PCNX2: variants seen among roughly 807,000 people sequenced by gnomAD.
PCNX2 encodes pecanex-like protein 2.
PCNX2 carries 168 observed loss-of-function variants against 223.8 expected under a neutral mutation model. The ratio of observed to expected loss-of-function variants is 0.75; its 90% CI spans 0.66 to 0.85. PCNX2 has a LOEUF of 0.85. Among genes scored for constraint, PCNX2 ranks in the 40% least tolerant of loss-of-function variants. The probability of loss-of-function intolerance (pLI) is 0.00; values close to 1 mark genes in which losing one functional copy is unlikely to be tolerated. For missense variants in PCNX2, 2,507 were observed against 2,675.5 expected (o/e 0.94, Z 1.39); for synonymous variants, 1,006 against 1,052.6 (o/e 0.96, Z 0.86).
At chr1:233,298,394 G>C (rs1459207334), upstream of PCNX2, among the ~76,000 whole-genome samples, 1 of 152,324 alleles carries the variant, frequency 6.6e-6, no homozygotes, top group East Asian at 1.9e-4. Context: ...CAGCCATTTT[G>C]AGGATTAAAG....
At chr1:233,019,360 G>GT (rs1670794872) in intron 26 of PCNX2, 7 of 270,470 alleles carry the variant, frequency 2.6e-5, no homozygotes, top group Non-Finnish European at 4.0e-5. Context: ...CCCATCCTCT[G>GT]TAACACCCCA....
chr1:232,997,079 C>A (rs946728318), intron 32 of PCNX2, among the ~76,000 whole-genome samples: 2 of 152,046 alleles, frequency 1.3e-5, no homozygotes, highest in African/African-American at 4.8e-5. Context: ...TGCAAAATAC[C>A]CCTTTTCCTT....
rs372817381 is a variant in PCNX2 at position 233,051,126 on chromosome 1, T to C, written c.4351+3142A>G. Among the ~76,000 whole-genome samples, 378 of 152,206 alleles carry C rather than the reference T, an allele frequency of 2.5e-3. 2 individuals carry two copies. The highest frequency in any genetic ancestry group is 8.8e-3 in the African/African-American group (367 of 41,534). On this transcript the variant is annotated intron_variant, in intron 25 of 33. Transcript: ENST00000258229. ...AATGAAAATCAAAACCACAATGAGA[T>C]ACCACCTCACATGAATCAGAATAGC...
Position 233,288,117 on chromosome 1 carries a change from G to A in PCNX2, c.153+7209C>T, listed in dbSNP as rs897849750. Among the ~76,000 whole-genome samples, 8 of 152,132 alleles carry A rather than the reference G, an allele frequency of 5.3e-5. No individual in the cohort carries two copies. The East Asian group carries it at 5.8e-4, about 11-fold the overall frequency. ...CATAGGAAGGAGATTTAGAGAAGAC[G>A]ATATAGCAATAAGATATTTAATGTT... On this transcript the variant is annotated intron_variant, in intron 1 of 33. Coordinates refer to ENST00000258229, the MANE Select transcript of PCNX2 (RefSeq NM_014801.4).
At position 232,986,594 on chromosome 1, in the gene PCNX2, A is replaced by G. The variant is rs1669496998; in HGVS notation, c.5792-54T>C. 2.1e-6 allele frequency: 3 copies of G among 1,429,052 alleles called. No individual in the cohort carries two copies. In the South Asian group the frequency reaches 4.4e-5, roughly 21 times the overall value. 88.5% of individuals were successfully genotyped at this position (1,429,052 alleles called of 1,614,324 possible). On this transcript the variant is annotated intron_variant, in intron 32 of 33. Coordinates refer to ENST00000258229, the MANE Select transcript of PCNX2 (RefSeq NM_014801.4). ...TAGCGGGTGGGTCATGAACATCGAT[A>G]CCTGTGTGGTGCAGCAGGTGGCCTG...
chr1:233,120,621 G>C (rs1675727168), intron 21 of PCNX2, among the ~76,000 whole-genome samples: 1 of 152,094 alleles, frequency 6.6e-6, no homozygotes, highest in South Asian at 2.1e-4. Context: ...ACAACAACCT[G>C]GATGAATAAT....
chr1:233,292,148 T>C, intron 1 of PCNX2: 1 of 615,076 alleles, frequency 1.6e-6, no homozygotes, highest in Non-Finnish European at 2.0e-6. Context: ...ACTCAAAGTA[T>C]CTGTTATATT....
At position 233,250,752 on chromosome 1, in the gene PCNX2, G is replaced by A; in HGVS notation, c.2209C>T (p.Leu737Phe). 1 of 1,606,114 alleles carries A rather than the reference G, an allele frequency of 6.2e-7. No homozygotes were observed. The highest frequency in any genetic ancestry group is 8.5e-7 in the Non-Finnish European group (1 of 1,176,286). Residue 737 changes from leucine to phenylalanine, a missense_variant, in exon 8 of 34, where the codon CTC (leucine) becomes TTC (phenylalanine). Physicochemically the swap from Leu to Phe is conservative, Grantham distance 22. Around this residue, in one of 3 missense-constraint regions of PCNX2, gnomAD observed 1,031 missense variants for 1,021.7 expected, o/e 1.01. Coordinates refer to ENST00000258229, the MANE Select transcript of PCNX2 (RefSeq NM_014801.4). ...AGCTCCACTCACCGAGCCTGAGAGA[G>A]ACAGTCATTATTTGATGGTAGAGGC... ...LQPLPSNNDC[L>F]SQAREMQVSS...
intron 17 of PCNX2, among the ~76,000 whole-genome samples, chr1:233,162,920 G>A (rs1372708568): frequency 6.6e-6 from 1 of 152,212 alleles, no homozygotes; most frequent in Non-Finnish European, 1.5e-5. Flanking sequence ...GACTGCTGGA[G>A]TGGGGAGGAA....
At chr1:233,165,304 T>TGGTAAAA (rs1678725013) in intron 17 of PCNX2, among the ~76,000 whole-genome samples, 1 of 152,196 alleles carries the variant, frequency 6.6e-6, no homozygotes, top group Non-Finnish European at 1.5e-5. Context: ...CTAGTGAATA[T>TGGTAAAA]ATGCCTCCTA....
chr1:233,146,389 A>G (rs1677448509), intron 19 of PCNX2, among the ~76,000 whole-genome samples: 1 of 152,130 alleles, frequency 6.6e-6, no homozygotes, highest in African/African-American at 2.4e-5. Context: ...AGTCTTTTTG[A>G]AGTACTTTTC....
Position 233,232,962 on chromosome 1 carries a change from T to C in PCNX2, c.2358+3883A>G. On this transcript the variant is annotated intron_variant, in intron 9 of 33. Transcript: ENST00000258229. ...CATACAATACTATCTCATTTTTTAA[T>C]GTAAGACAAGCTGAATGAGTTGGAG... is the stretch of plus-strand genomic sequence containing the variant. The C allele has an allele frequency of 4.1e-6, 4 of 985,406 alleles. No individual in the cohort carries two copies. The South Asian group carries it at 1.4e-4, about 35-fold the overall frequency. 61.0% of individuals were successfully genotyped at this position (985,406 alleles called of 1,614,324 possible). A position where few individuals can be genotyped will look rare whatever the true frequency, so the allele number is the denominator to read the frequency against.
rs1481141579 is a variant in PCNX2, at chr1:233,160,263, A to G, written c.3517+20T>C. 1.0e-5 allele frequency: 16 copies of G among 1,576,302 alleles called. No individual in the cohort carries two copies. Among genetic ancestry groups the G allele is most frequent in the Non-Finnish European group, 1.4e-5 (16 of 1,164,282 alleles). On this transcript the variant is annotated intron_variant, in intron 19 of 33. Transcript: ENST00000258229. ...TACCCCTCCTTTTTTTTTTTTTTAA[A>G]TGAGGGATATATTACTAACCTCTCA...
rs1012247145 is a variant in PCNX2 at position 233,241,414 on chromosome 1, C to A, written c.2223-4434G>T. The stretch of plus-strand genomic sequence containing the variant: ...AACCTTTCGTCCTTATGCCTCTATG[C>A]CTGGGTGAAAGTACAATCTCTTTCT... On this transcript the variant is annotated intron_variant, in intron 8 of 33. Transcript: ENST00000258229. The A allele has an allele frequency of 2.7e-5, 26 of 969,040 alleles. No homozygotes were observed. The African/African-American group carries it at 4.4e-4, about 16-fold the overall frequency. The allele number at this position is 969,040 out of a possible 1,614,324, so 60.0% of individuals were successfully genotyped here. A position where few individuals can be genotyped will look rare whatever the true frequency, so the allele number is the denominator to read the frequency against.
chr1:233,126,557 G>A lies in PCNX2; in HGVS notation c.3837+8456C>T, dbSNP rs1309649647. Among the ~76,000 whole-genome samples, 1 of 151,814 alleles carries A rather than the reference G, an allele frequency of 6.6e-6. No homozygotes were observed. The highest frequency in any genetic ancestry group is 2.4e-5 in the African/African-American group (1 of 41,298). On this transcript the variant is annotated intron_variant, in intron 21 of 33. Coordinates refer to ENST00000258229, the MANE Select transcript of PCNX2 (RefSeq NM_014801.4). The surrounding 1 kb of genome is among the most constrained non-coding windows in gnomAD (Gnocchi z 4.8). Reference sequence around the variant, plus strand: ...TGTGTGTAAATATACCAGAGGACTGGGAGGATTTATTCCAAAATACTTACA... The same window carrying A: ...TGTGTGTAAATATACCAGAGGACTGAGAGGATTTATTCCAAAATACTTACA...
chr1:233,207,780 C>T (rs577786706), intron 13 of PCNX2, among the ~76,000 whole-genome samples: 1 of 152,110 alleles, frequency 6.6e-6, no homozygotes, highest in South Asian at 2.1e-4. Context: ...TTAAACAGAG[C>T]GTTTTATATA....
chr1:233,293,827 A>T, intron 1 of PCNX2: 1 of 391,408 alleles, frequency 2.6e-6, no homozygotes, highest in Middle Eastern at 1.3e-3. Context: ...AGCTCATATT[A>T]GGTCTAGTGA....
intron 22 of PCNX2, among the ~76,000 whole-genome samples, chr1:233,091,937 C>A (rs530907543): frequency 5.6e-4 from 85 of 152,058 alleles, no homozygotes; most frequent in African/African-American, 2.0e-3. Flanking sequence ...GACCTAGGTT[C>A]AAATAGAGAA....
At chr1:232,988,393 T>TTCATTGCTTCAGGTTTTC (rs1221196237) in intron 32 of PCNX2, among the ~76,000 whole-genome samples, 17 of 151,798 alleles carry the variant, frequency 1.1e-4, no homozygotes, top group African/African-American at 3.9e-4. Context: ...GCCACCCGAT[T>TTCATTGCTTCAGGTTTTC]TCATTGCTTC....
Sources: allele counts gnomAD v4.1 joint callset (sites outside exome capture counted in the v4.1 genomes callset), GRCh38; gene constraint gnomAD v4.1.1; regional missense constraint gnomAD v4.1.1; non-coding constraint Gnocchi (gnomAD v3.1); transcripts MANE v1.5; gene names NCBI Gene and HGNC (gene_info 2026-07-23, HGNC 2026-07-21).